NCAM2: variants seen among roughly 807,000 people sequenced by gnomAD.
NCAM2 encodes the protein N-CAM-2.
A neutral mutation model predicts 98.1 loss-of-function variants in NCAM2; 30 were observed. The observed-to-expected ratio is 0.31, with a 90% CI of 0.23 to 0.41. The LOEUF is 0.41. NCAM2 is among the 10% of genes least tolerant of loss of function. NCAM2 has a pLI of 1.00. For missense variants in NCAM2, 867 were observed against 1,005.8 expected (o/e 0.86, Z 1.87); for synonymous variants, 368 against 342.4 (o/e 1.07, Z -0.83).
chr21:21,358,098 T>C (rs2075543694), intron 8 of NCAM2, among the ~76,000 whole-genome samples: 1 of 152,148 alleles, frequency 6.6e-6, no homozygotes, highest in African/African-American at 2.4e-5. Flanking sequence ...TTCTCTAGCG[T>C]AATCTGCAAG....
chr21:21,338,668 G>C, intron 8 of NCAM2, 134 bp downstream of exon 8: 1 of 917,820 alleles, frequency 1.1e-6, no homozygotes, highest in Non-Finnish European at 1.6e-6. Flanking sequence ...TTTTTAAAAA[G>C]GTAACTAACA....
chr21:21,351,178 A>T (rs193112523), intron 8 of NCAM2, among the ~76,000 whole-genome samples: 46 of 150,736 alleles, frequency 3.1e-4, no homozygotes, highest in Non-Finnish European at 5.5e-4. Flanking sequence ...TTTCAAGATA[A>T]TTTTTCTCTA....
At position 21,324,465 on chromosome 21, in the gene NCAM2, C is replaced by G; in HGVS notation, c.702C>G (p.Ala234=). ...AAGAAATGACATTTTCCTGCAGGGC[C>G]TCAGGCTCTCCAGAACCCGCCATCT... ...RGEEMTFSCR[A]SGSPEPAISW... Residue 234 remains alanine (A), a synonymous_variant, in exon 6 of 18, where the codon GCC becomes GCG. Transcript: ENST00000400546. The G allele has an allele frequency of 6.2e-7, 1 of 1,613,506 alleles. No individual in the cohort carries two copies. The highest frequency in any genetic ancestry group is 1.1e-5 in the South Asian group (1 of 91,056).
intron 15 of NCAM2, among the ~76,000 whole-genome samples, chr21:21,500,353 A>G (rs1172391886): frequency 1.3e-5 from 2 of 152,178 alleles, no homozygotes; most frequent in African/African-American, 4.8e-5. Flanking sequence ...AATTGAATAA[A>G]TCTATCCATT....
chr21:21,005,741 T>C (rs576207160), intron 1 of NCAM2, among the ~76,000 whole-genome samples: 15 of 152,078 alleles, frequency 9.9e-5, no homozygotes, highest in South Asian at 2.1e-4. Flanking sequence ...CTCTGCTTTA[T>C]TTATAGTTTC....
At chr21:21,267,046 C>G (rs2072310112) in intron 1 of NCAM2, among the ~76,000 whole-genome samples, 1 of 152,038 alleles carries the variant, frequency 6.6e-6, no homozygotes, top group African/African-American at 2.4e-5. Flanking sequence ...TCCCTTCTCC[C>G]ACCAAGGAGA....
rs58030487 is a variant in NCAM2 at position 21,488,153 on chromosome 21, T to C, written c.2077+10682T>C. On this transcript the variant is annotated intron_variant, in intron 15 of 17. Coordinates refer to ENST00000400546, the MANE Select transcript of NCAM2 (RefSeq NM_004540.5). ...CAAATACATATAAAGACAAATAATTTTATTGCAAATAAATTTGACTTTTTA... is the reference window on the plus strand; with the variant it reads ...CAAATACATATAAAGACAAATAATTCTATTGCAAATAAATTTGACTTTTTA... 7.9e-3 allele frequency among the ~76,000 whole-genome samples: 1,202 copies of C among 152,236 alleles called. 13 individuals are homozygous for C. Among genetic ancestry groups the C allele is most frequent in the African/African-American group, 0.027 (1,128 of 41,548 alleles).
chr21:21,311,186 T>C (rs1402255692), intron 5 of NCAM2, among the ~76,000 whole-genome samples: 1 of 152,214 alleles, frequency 6.6e-6, no homozygotes, highest in African/African-American at 2.4e-5. Context: ...TTTACTTTTT[T>C]TCTATCTTGA....
chr21:21,210,490 A>G (rs917849953), intron 1 of NCAM2: 1 of 1,254,228 alleles, frequency 8.0e-7, no homozygotes, highest in Admixed American at 2.5e-5. Context: ...AGTACAAGTA[A>G]TTAAAAACTC....
intron 1 of NCAM2, among the ~76,000 whole-genome samples, chr21:21,133,690 C>A (rs1163323074): frequency 6.6e-6 from 1 of 152,160 alleles, no homozygotes. Context: ...GTGCAAGATA[C>A]CAGAATGATG....
At chr21:21,119,956 G>T (rs1469694031) in intron 1 of NCAM2, among the ~76,000 whole-genome samples, 1 of 152,118 alleles carries the variant, frequency 6.6e-6, no homozygotes, top group African/African-American at 2.4e-5. Context: ...AAATCCCATT[G>T]TGACCTGAAC....
In NCAM2 at chr21:21,339,596, A is replaced by C. The variant is rs1602034441; in HGVS notation, c.1044+1062A>C. Among the ~76,000 whole-genome samples the C allele has an allele frequency of 2.6e-5, 4 of 152,042 alleles. No individual in the cohort carries two copies. In the South Asian group the frequency reaches 8.3e-4, roughly 31 times the overall value. On this transcript the variant is annotated intron_variant, in intron 8 of 17. Transcript: ENST00000400546. ...CCTCCTTTAAACTTTTTTCATTATT[A>C]ACTTTATTTAGGTAAAGAGTCCAAT...
chr21:21,175,985 A>G (rs1404364741), intron 1 of NCAM2, among the ~76,000 whole-genome samples: 2 of 152,238 alleles, frequency 1.3e-5, no homozygotes, highest in Non-Finnish European at 2.9e-5. Context: ...AAATGCCTGC[A>G]TTAACTTTCA....
intron 4 of NCAM2, among the ~76,000 whole-genome samples, chr21:21,289,519 G>A (rs1203235547): frequency 2.6e-5 from 4 of 151,836 alleles, no homozygotes; most frequent in Non-Finnish European, 4.4e-5. Context: ...ACGTCGGTGC[G>A]GAATTTTCAG....
At chr21:21,169,418 G>C (rs1274246825) in intron 1 of NCAM2, among the ~76,000 whole-genome samples, 1 of 152,114 alleles carries the variant, frequency 6.6e-6, no homozygotes, top group Admixed American at 6.6e-5. Context: ...GGCACAATCT[G>C]TGAAAGAAAT....
At chr21:21,339,378 A>G (rs772301719) in intron 8 of NCAM2, among the ~76,000 whole-genome samples, 4 of 152,032 alleles carry the variant, frequency 2.6e-5, no homozygotes, top group Admixed American at 6.6e-5. Flanking sequence ...AAACATTACT[A>G]TATGTTTCAC....
intron 10 of NCAM2, among the ~76,000 whole-genome samples, chr21:21,414,497 G>T (rs2076949375): frequency 6.9e-6 from 1 of 145,200 alleles, no homozygotes; most frequent in Non-Finnish European, 1.5e-5. Flanking sequence ...TTGAGAGGGA[G>T]TCTCGCTCTG....
chr21:21,057,289 T>C (rs1194939097), intron 1 of NCAM2, among the ~76,000 whole-genome samples: 1 of 152,068 alleles, frequency 6.6e-6, no homozygotes, highest in Non-Finnish European at 1.5e-5. Flanking sequence ...TTGCAACAAA[T>C]ACAAAGAAAC....
At chr21:21,297,316 C>T (rs2073523170) in intron 5 of NCAM2, among the ~76,000 whole-genome samples, 1 of 151,636 alleles carries the variant, frequency 6.6e-6, no homozygotes, top group Non-Finnish European at 1.5e-5. Context: ...GTTGCCCTCA[C>T]CGAACAAACA....
Sources: gnomAD v4.1 joint callset for allele counts (sites outside exome capture counted in the v4.1 genomes callset) on GRCh38, gnomAD v4.1.1 for gene constraint, MANE v1.5 for transcripts, NCBI Gene and HGNC (gene_info 2026-07-23, HGNC 2026-07-21) for gene names.